SLTM: variants seen among roughly 807,000 people sequenced by gnomAD.
SLTM encodes SAFB-like transcription modulator.
In SLTM, 43 loss-of-function variants were observed where a neutral mutation model predicts 134.6. That is an observed-to-expected ratio of 0.32 (90% CI 0.25 to 0.41). The LOEUF (loss-of-function observed/expected upper bound fraction) is 0.41, where lower values mean the gene tolerates loss of function less well. SLTM is among the 10% of genes least tolerant of loss of function. SLTM has a pLI of 1.00. For synonymous variants in SLTM, 424 were observed against 432.3 expected (o/e 0.98, Z 0.24); for missense variants, 1,055 against 1,288.8 (o/e 0.82, Z 2.78).
chr15:58,921,070 T>C (rs562300514), intron 2 of SLTM, among the ~76,000 whole-genome samples: 1 of 152,348 alleles, frequency 6.6e-6, no homozygotes, highest in African/African-American at 2.4e-5. Context: ...TCTCTTCTTT[T>C]AGTGAAAAAC....
chr15:58,879,823 A>G lies in SLTM; in HGVS notation c.*176T>C. 2 of 747,622 alleles carry G rather than the reference A, an allele frequency of 2.7e-6. No individual in the cohort carries two copies. Among genetic ancestry groups the G allele is most frequent in the South Asian group, 5.1e-5 (2 of 39,266 alleles). 46.3% of individuals were successfully genotyped at this position (747,622 alleles called of 1,614,324 possible). ...GATACACAAAACTATTAAAAGTTAC[A>G]ACAGAACTATTTAAACATCTTCTCC... is the stretch of plus-strand genomic sequence containing the variant. On this transcript the variant is annotated 3_prime_UTR_variant, in exon 21 of 21. Coordinates refer to ENST00000380516, the MANE Select transcript of SLTM (RefSeq NM_024755.4).
In SLTM at chr15:58,879,255, G is replaced by A. The variant is rs2033506891; in HGVS notation, c.*744C>T. The A allele has an allele frequency of 6.6e-6, 1 of 152,092 alleles. No individual in the cohort carries two copies. Among genetic ancestry groups the A allele is most frequent in the African/African-American group, 2.4e-5 (1 of 41,416 alleles). 9.4% of individuals were successfully genotyped at this position (152,092 alleles called of 1,614,324 possible). On this transcript the variant is annotated 3_prime_UTR_variant, in exon 21 of 21. Coordinates refer to ENST00000380516, the MANE Select transcript of SLTM (RefSeq NM_024755.4). ...AACAAACAGTGCAGATTACCTAAAA[G>A]TGCACTTACCTGCACAACTCGGTCT... is the stretch of plus-strand genomic sequence containing the variant.
intron 2 of SLTM, among the ~76,000 whole-genome samples, chr15:58,918,619 G>A (rs2036810470): frequency 2.0e-5 from 3 of 152,190 alleles, no homozygotes; most frequent in Admixed American, 1.3e-4. Flanking sequence ...TTGGTGTTGT[G>A]TTAACTTTCT....
intron 9 of SLTM, among the ~76,000 whole-genome samples, chr15:58,895,631 T>G (rs575734617): frequency 7.2e-5 from 11 of 152,348 alleles, no homozygotes; most frequent in Non-Finnish European, 2.9e-5. Flanking sequence ...CATTTATTTT[T>G]TAACTCCACG....
chr15:58,890,286 C>T lies in SLTM; in HGVS notation c.2074G>A (p.Glu692Lys). Reference protein sequence around the residue: ...ERLERERIRIEQERRKEAERI... With the variant: ...ERLERERIRIKQERRKEAERI... Reference sequence around the variant, plus strand: ...AAAAGATTTTCTGACTGCACCTGTTCAATACGAATGCGTTCCCTTTCCAAG... The same window carrying T: ...AAAAGATTTTCTGACTGCACCTGTTTAATACGAATGCGTTCCCTTTCCAAG... The change falls in exon 15 of 21, where the codon GAA becomes AAA. Residue 692 changes from glutamate to lysine, a missense_variant. Glu to Lys is a moderately conservative substitution (Grantham distance 56, BLOSUM62 1). This residue lies in a region of SLTM where 776 missense variants were observed against 962.2 expected (regional missense o/e 0.81). Coordinates refer to ENST00000380516, the MANE Select transcript of SLTM (RefSeq NM_024755.4). 1.9e-6 allele frequency: 3 copies of T among 1,613,928 alleles called. No individual in the cohort carries two copies. The highest frequency in any genetic ancestry group is 2.5e-6 in the Non-Finnish European group (3 of 1,179,918).
intron 2 of SLTM, 175 bp downstream of exon 2, chr15:58,932,181 C>A: frequency 3.5e-6 from 2 of 573,170 alleles, no homozygotes; most frequent in Non-Finnish European, 6.3e-6. Context: ...ATCTTAAGGG[C>A]TACAAGTCAC....
At chr15:58,900,058 G>GAAA in intron 6 of SLTM, 121 bp from the exon 7 acceptor site, 59 of 515,930 alleles carry the variant, frequency 1.1e-4, no homozygotes, top group South Asian at 3.8e-4. Flanking sequence ...GGAAGTTAGG[G>GAAA]AAAAAAAAAA....
At chr15:58,895,190 G>A (rs1285653612) in intron 9 of SLTM, among the ~76,000 whole-genome samples, 1 of 152,124 alleles carries the variant, frequency 6.6e-6, no homozygotes, top group East Asian at 1.9e-4. Context: ...AATTGGATTT[G>A]AACCAAAATA....
At chr15:58,928,159 A>G (rs965859798) in intron 2 of SLTM, among the ~76,000 whole-genome samples, 1 of 152,206 alleles carries the variant, frequency 6.6e-6, no homozygotes, top group Non-Finnish European at 1.5e-5. Flanking sequence ...ATAGTTCTAA[A>G]TACTGTACTG....
In SLTM at chr15:58,913,437, AC is replaced by A. The variant is rs1279213418; in HGVS notation, c.513+61del. ...CTTCCAAATTGAACTAGAAAAAAAT[AC>A]TTTTTATTATTTAAAACTTAATTTA... On this transcript the variant is annotated intron_variant, in intron 4 of 20. Coordinates refer to ENST00000380516, the MANE Select transcript of SLTM (RefSeq NM_024755.4). 5.9e-6 allele frequency: 8 copies of A among 1,353,696 alleles called. No individual in the cohort carries two copies. The African/African-American group carries it at 1.0e-4, about 18-fold the overall frequency. The allele number at this position is 1,353,696 out of a possible 1,614,324, so 83.9% of individuals were successfully genotyped here.
At chr15:58,930,198 G>A (rs1200539300) in intron 2 of SLTM, among the ~76,000 whole-genome samples, 1 of 151,648 alleles carries the variant, frequency 6.6e-6, no homozygotes, top group African/African-American at 2.4e-5. Flanking sequence ...TCCACCTCCT[G>A]GGTTCAAGCG....
At chr15:58,882,493 G>A (rs1253844488) in intron 20 of SLTM, among the ~76,000 whole-genome samples, 1 of 152,150 alleles carries the variant, frequency 6.6e-6, no homozygotes, top group East Asian at 1.9e-4. Flanking sequence ...GAAAATGATG[G>A]TGCCCTAGAA....
chr15:58,887,030 T>G lies in SLTM; in HGVS notation c.2780A>C (p.Tyr927Ser), dbSNP rs780283975. The change falls in exon 19 of 21, where the codon TAC becomes TCC. Residue 927 changes from tyrosine to serine, a missense_variant. By Grantham distance (144) the Tyr-to-Ser change is moderately radical (BLOSUM62 -2). Around this residue, in one of 3 missense-constraint regions of SLTM, gnomAD observed 776 missense variants for 962.2 expected, o/e 0.81. Transcript: ENST00000380516. ...TCCTCTGTCTCCCTCTCTGCTCCCG[T>G]ACCCCGAAGCGCTGCTACGATTCCC... ...PPGNRSSASG[Y>S]GSREGDRGVI... is the part of the protein sequence containing the mutation. The G allele has an allele frequency of 6.2e-7, 1 of 1,613,402 alleles. No homozygotes were observed. The highest frequency in any genetic ancestry group is 8.5e-7 in the Non-Finnish European group (1 of 1,180,006).
chr15:58,902,662 G>A (rs1439327023), intron 5 of SLTM, among the ~76,000 whole-genome samples: 5 of 151,628 alleles, frequency 3.3e-5, no homozygotes, highest in Admixed American at 6.6e-5. Flanking sequence ...AAAGTTCTAG[G>A]ATTTACAGGT....
rs2038056319 is a variant in SLTM at position 58,933,556 on chromosome 15, C to T, written c.10G>A (p.Ala4Thr). MAA[A>T]TGAVAASAAS... Reference sequence around the variant, plus strand: ...GCCGAGGCTGCCACCGCACCGGTAGCGGCAGCCATCTTAGAAGAGCAGCGC... The same window carrying T: ...GCCGAGGCTGCCACCGCACCGGTAGTGGCAGCCATCTTAGAAGAGCAGCGC... Residue 4 changes from alanine (A) to threonine (T), a missense_variant, in exon 1 of 21, where the codon GCT (alanine) becomes ACT (threonine). Ala to Thr is a moderately conservative substitution (Grantham distance 58). Coordinates refer to ENST00000380516, the MANE Select transcript of SLTM (RefSeq NM_024755.4). The T allele has an allele frequency of 6.3e-7, 1 of 1,592,786 alleles. No homozygotes were observed. The highest frequency in any genetic ancestry group is 8.5e-7 in the Non-Finnish European group (1 of 1,171,122).
At chr15:58,890,967 T>G (rs1464023370) in intron 14 of SLTM, among the ~76,000 whole-genome samples, 1 of 152,234 alleles carries the variant, frequency 6.6e-6, no homozygotes, top group Non-Finnish European at 1.5e-5. Context: ...AGGGCTATTT[T>G]GGAATGTTTA....
rs775985287 is a variant in SLTM, at chr15:58,893,380, T to G, written c.1649-16A>C. On this transcript the variant is annotated splice_polypyrimidine_tract_variant and intron_variant, in intron 12 of 20. Transcript: ENST00000380516. ...CTCTTGGAACCTAAGGGAAAAAAAT[T>G]ATATAAAACAATGTCTAAAATTTTT... The G allele has an allele frequency of 1.3e-6, 2 of 1,550,664 alleles. No individual in the cohort carries two copies. Among genetic ancestry groups the G allele is most frequent in the African/African-American group, 2.8e-5 (2 of 72,184 alleles).
At chr15:58,882,923 A>T (rs1955752837) in intron 20 of SLTM, among the ~76,000 whole-genome samples, 1 of 152,240 alleles carries the variant, frequency 6.6e-6, no homozygotes, top group African/African-American at 2.4e-5. Flanking sequence ...GAGTTATTTT[A>T]AAAGGGAGGA....
Position 58,899,332 on chromosome 15 carries a change from G to T in SLTM, c.1058+137C>A. ...TTGAAAATTTTTAAAAGTAACTTAT[G>T]ACGGTCAAAAATATTATAGGCAGGA... On this transcript the variant is annotated intron_variant, in intron 7 of 20. Coordinates refer to ENST00000380516, the MANE Select transcript of SLTM (RefSeq NM_024755.4). The surrounding 1 kb of genome is among the most constrained non-coding windows in gnomAD (Gnocchi z 5.0). 1 of 707,818 alleles carries T rather than the reference G, an allele frequency of 1.4e-6. No individual in the cohort carries two copies. Among genetic ancestry groups the T allele is most frequent in the Non-Finnish European group, 2.3e-6 (1 of 429,556 alleles). 43.8% of individuals were successfully genotyped at this position (707,818 alleles called of 1,614,324 possible).
Sources: gnomAD v4.1 joint callset for allele counts (sites outside exome capture counted in the v4.1 genomes callset) on GRCh38, gnomAD v4.1.1 for gene constraint, gnomAD v4.1.1 regional missense constraint, Gnocchi (gnomAD v3.1) non-coding constraint, MANE v1.5 for transcripts, NCBI Gene and HGNC (gene_info 2026-07-23, HGNC 2026-07-21) for gene names.